The following CSNK1G3 variants were observed in gnomAD, a reference collection of about 807,000 sequenced individuals.
CSNK1G3 encodes the protein casein kinase 1 gamma 3, also known as casein kinase I isoform gamma-3.
CSNK1G3 carries 23 observed loss-of-function variants against 64.3 expected under a neutral mutation model. The observed-to-expected ratio is 0.36, with a 90% confidence interval of 0.26 to 0.51. CSNK1G3 has a LOEUF of 0.51. CSNK1G3 is among the 20% of genes least tolerant of loss of function. The pLI is 0.96. For missense variants in CSNK1G3, 357 were observed against 510.5 expected (o/e 0.70, Z 2.90); for synonymous variants, 158 against 162.2 (o/e 0.97, Z 0.20).
intron 10 of CSNK1G3, 77 bp downstream of exon 11, chr5:123,595,211 G>T: frequency 8.0e-7 from 1 of 1,256,606 alleles, no homozygotes. Flanking sequence ...CTCATGGCAT[G>T]ATTTCATATC....
chr5:123,545,673 A>T lies in CSNK1G3; in HGVS notation c.10A>T (p.Lys4Ter). 1 of 1,611,346 alleles carries T rather than the reference A, an allele frequency of 6.2e-7. No homozygotes were observed. The highest frequency in any genetic ancestry group is 8.5e-7 in the Non-Finnish European group (1 of 1,178,362). ...GTACCGCAAACTTGATATGGAAAAT[A>T]AAAAGAAAGACAAGGACAAATCAGA... Residue 4 changes from lysine to a stop codon, truncating the protein, a stop_gained, in exon 2 of 13, where the codon AAA becomes TAA. Coordinates refer to ENST00000345990, the Ensembl canonical transcript of CSNK1G3. LOFTEE classifies it high-confidence loss of function.
intron 1 of CSNK1G3, among the ~76,000 whole-genome samples, chr5:123,524,024 G>C (rs1778605400): frequency 6.6e-6 from 1 of 152,198 alleles, no homozygotes; most frequent in Non-Finnish European, 1.5e-5. Context: ...CTGCCAGAAT[G>C]CTGGAAAACA....
At chr5:123,543,813 C>G (rs956949377) in intron 1 of CSNK1G3, among the ~76,000 whole-genome samples, 1 of 152,144 alleles carries the variant, frequency 6.6e-6, no homozygotes, top group Non-Finnish European at 1.5e-5. Flanking sequence ...TATAGTTACT[C>G]TGTCATGGCT....
intron 1 of CSNK1G3, among the ~76,000 whole-genome samples, chr5:123,517,905 G>T: frequency 7.0e-6 from 1 of 143,694 alleles, no homozygotes; most frequent in African/African-American, 2.6e-5. Flanking sequence ...ACTGCTTAGA[G>T]ATTTATTTAA....
chr5:123,551,090 A>T (rs896726780), intron 2 of CSNK1G3, among the ~76,000 whole-genome samples: 1 of 152,124 alleles, frequency 6.6e-6, no homozygotes, highest in Non-Finnish European at 1.5e-5. Context: ...GTCCTGTGAA[A>T]TTTTTTCCTT....
At chr5:123,575,206 TA>T (rs1788932965) in intron 5 of CSNK1G3, among the ~76,000 whole-genome samples, 1 of 152,190 alleles carries the variant, frequency 6.6e-6, no homozygotes, top group African/African-American at 2.4e-5. Flanking sequence ...TAATCATTTT[TA>T]AATGTTTAAT....
At chr5:123,519,266 C>A (rs1220471059) in intron 1 of CSNK1G3, among the ~76,000 whole-genome samples, 2 of 152,148 alleles carry the variant, frequency 1.3e-5, no homozygotes, top group Non-Finnish European at 2.9e-5. Flanking sequence ...GTTGGCCAGG[C>A]TGGTCTTGAA....
intron 12 of CSNK1G3, among the ~76,000 whole-genome samples, chr5:123,609,153 T>C (rs1179049761): frequency 6.6e-6 from 1 of 152,142 alleles, no homozygotes; most frequent in Non-Finnish European, 1.5e-5. Flanking sequence ...TTTCCCAATC[T>C]CAGAGGGCCT....
intron 1 of CSNK1G3, among the ~76,000 whole-genome samples, chr5:123,521,244 A>G (rs945495975): frequency 1.3e-5 from 2 of 152,160 alleles, no homozygotes; most frequent in Non-Finnish European, 2.9e-5. Flanking sequence ...TCCCTACTCC[A>G]AAAATGTAAA....
intron 2 of CSNK1G3, among the ~76,000 whole-genome samples, chr5:123,547,239 AT>A (rs1197213736): frequency 4.6e-5 from 7 of 152,128 alleles, no homozygotes; most frequent in Non-Finnish European, 7.4e-5. Flanking sequence ...TATCAGGATT[AT>A]TACCACTTCC....
chr5:123,584,007 T>G (rs1003999907), intron 6 of CSNK1G3, among the ~76,000 whole-genome samples: 1 of 152,186 alleles, frequency 6.6e-6, no homozygotes, highest in African/African-American at 2.4e-5. Flanking sequence ...TTGATTTTTA[T>G]GTATTAACCT....
rs770657288 is a variant in CSNK1G3 at position 123,614,385 on chromosome 5, C to T, written c.1261C>T (p.Arg421Cys). The T allele has an allele frequency of 2.1e-5, 34 of 1,612,786 alleles. No homozygotes were observed. The highest frequency in any genetic ancestry group is 9.4e-5 in the African/African-American group (7 of 74,774). Reference sequence around the variant, plus strand: ...ACGAAGGAAAAGGAAAACCATACAGCGCCACAAATGACTCTGGACACAGAC... The same window carrying T: ...ACGAAGGAAAAGGAAAACCATACAGTGCCACAAATGACTCTGGACACAGAC... The change falls in exon 13 of 13, where the codon CGC (arginine) becomes TGC (cysteine). Residue 421 changes from arginine (R) to cysteine (C), a missense_variant. Coordinates refer to ENST00000345990, the Ensembl canonical transcript of CSNK1G3.
intron 8 of CSNK1G3, among the ~76,000 whole-genome samples, chr5:123,589,744 A>G (rs897242989): frequency 1.3e-5 from 2 of 152,132 alleles, no homozygotes; most frequent in Non-Finnish European, 2.9e-5. Context: ...AGATACATGT[A>G]TCTAATACAT....
chr5:123,576,916 CTTAT>C (rs1789273386), intron 6 of CSNK1G3, among the ~76,000 whole-genome samples: 1 of 151,940 alleles, frequency 6.6e-6, no homozygotes, highest in South Asian at 2.1e-4. Context: ...TTTACATTTC[CTTAT>C]TTGTCAGTTG....
At chr5:123,549,244 T>C (rs993616538) in intron 2 of CSNK1G3, among the ~76,000 whole-genome samples, 4 of 152,214 alleles carry the variant, frequency 2.6e-5, no homozygotes, top group African/African-American at 9.6e-5. Flanking sequence ...TGACAGGCAC[T>C]GAATAAGACC....
At chr5:123,575,465 T>C (rs1170817576) in intron 5 of CSNK1G3, among the ~76,000 whole-genome samples, 1 of 152,224 alleles carries the variant, frequency 6.6e-6, no homozygotes, top group African/African-American at 2.4e-5. Flanking sequence ...AAAGTGTTCA[T>C]TGAATCAGGC....
chr5:123,608,300 A>G (rs1031882354), intron 12 of CSNK1G3, among the ~76,000 whole-genome samples: 2 of 152,152 alleles, frequency 1.3e-5, no homozygotes, highest in Non-Finnish European at 2.9e-5. Flanking sequence ...TGAGAATAGT[A>G]TCTCATTGGG....
At chr5:123,595,282 C>A in intron 10 of CSNK1G3, 148 bp downstream of exon 11, 2 of 719,780 alleles carry the variant, frequency 2.8e-6, no homozygotes, top group Non-Finnish European at 2.2e-6. Flanking sequence ...GTTATTTAAC[C>A]AGAAAAACCA....
At chr5:123,577,760 A>G (rs1165178955) in intron 6 of CSNK1G3, among the ~76,000 whole-genome samples, 1 of 151,962 alleles carries the variant, frequency 6.6e-6, no homozygotes, top group Non-Finnish European at 1.5e-5. Flanking sequence ...GGTAAAATAT[A>G]CAACATTTGA....
Sources: gnomAD v4.1 joint callset for allele counts (sites outside exome capture counted in the v4.1 genomes callset) on GRCh38, gnomAD v4.1.1 for gene constraint, MANE v1.5 for transcripts, NCBI Gene and HGNC (gene_info 2026-07-23, HGNC 2026-07-21) for gene names.